The following CLSTN2 variants were observed in gnomAD, a reference collection of about 807,000 sequenced individuals.
The protein encoded by CLSTN2 is calsyntenin-2.
Under a neutral mutation model 101.2 loss-of-function variants are expected in CLSTN2, and 48 were observed. That is an observed-to-expected ratio of 0.47 (90% confidence interval 0.38 to 0.60). The LOEUF (loss-of-function observed/expected upper bound fraction) is 0.60, where lower values mean the gene tolerates loss of function less well. Among genes scored for constraint, CLSTN2 ranks in the 20% least tolerant of loss-of-function variants. The pLI is 0.00. For missense variants in CLSTN2, 1,160 were observed against 1,238.2 expected (o/e 0.94, Z 0.95); for synonymous variants, 481 against 463.6 (o/e 1.04, Z -0.48).
rs1219370453 is a variant in CLSTN2, at chr3:140,241,787, CGA to C, written c.232+65717_232+65718del. 1.2e-3 allele frequency among the ~76,000 whole-genome samples: 32 copies of C among 26,862 alleles called. No homozygotes were observed. In the Admixed American group the frequency reaches 0.018, roughly 15 times the overall value. The allele number at this position is 26,862 out of a possible 152,430, so 17.6% of individuals were successfully genotyped here. On this transcript the variant is annotated intron_variant, in intron 2 of 16. Transcript: ENST00000458420. ...GCTTATGTGCTACAGAGGTCATATG[CGA>C]GATATATATATATATATATACACAT...
chr3:140,068,242 A>G (rs2008331206), intron 1 of CLSTN2, among the ~76,000 whole-genome samples: 1 of 152,272 alleles, frequency 6.6e-6, no homozygotes, highest in Non-Finnish European at 1.5e-5. Flanking sequence ...AAGGGCCTGG[A>G]GCCACTGTTT....
At chr3:140,364,952 A>G (rs1052046611) in intron 2 of CLSTN2, among the ~76,000 whole-genome samples, 3 of 152,148 alleles carry the variant, frequency 2.0e-5, no homozygotes, top group African/African-American at 7.2e-5. Context: ...ATAGAAAACT[A>G]GTAGTTTTAA....
intron 2 of CLSTN2, among the ~76,000 whole-genome samples, chr3:140,203,461 GTTTTTTTTTTTTTTTTT>G (rs58182333): frequency 7.4e-5 from 5 of 67,920 alleles, no homozygotes; most frequent in South Asian, 1.4e-3. Context: ...GAAAGTGTGG[GTTTTTTTTTTTTTTTTT>G]TTTTTTTTTT....
intron 4 of CLSTN2, among the ~76,000 whole-genome samples, chr3:140,413,405 G>GT (rs886079666): frequency 6.6e-6 from 1 of 152,070 alleles, no homozygotes; most frequent in South Asian, 2.1e-4. Flanking sequence ...CATAATAATA[G>GT]TTTTTTTAAA....
chr3:140,479,449 T>C (rs1934065391), intron 8 of CLSTN2, among the ~76,000 whole-genome samples: 1 of 152,162 alleles, frequency 6.6e-6, no homozygotes, highest in Non-Finnish European at 1.5e-5. Context: ...GCAATAAAAA[T>C]CACTGGACAT....
intron 1 of CLSTN2, among the ~76,000 whole-genome samples, chr3:139,979,771 G>C (rs1176258708): frequency 6.6e-6 from 1 of 151,972 alleles, no homozygotes; most frequent in East Asian, 1.9e-4. Flanking sequence ...GCTTTCTGCT[G>C]TATCACCATT....
intron 1 of CLSTN2, among the ~76,000 whole-genome samples, chr3:140,093,991 A>T (rs2008825268): frequency 6.6e-6 from 1 of 152,220 alleles, no homozygotes; most frequent in Admixed American, 6.5e-5. Flanking sequence ...AATCTGAAAT[A>T]GGAGAGCTCA....
chr3:139,983,316 A>G (rs1031333797), intron 1 of CLSTN2, among the ~76,000 whole-genome samples: 7 of 152,192 alleles, frequency 4.6e-5, no homozygotes, highest in African/African-American at 1.7e-4. Flanking sequence ...TTTTCATCTG[A>G]TTTAGTATAA....
chr3:140,195,198 A>C (rs1009717584), intron 2 of CLSTN2, among the ~76,000 whole-genome samples: 20 of 152,280 alleles, frequency 1.3e-4, no homozygotes, highest in African/African-American at 4.6e-4. Flanking sequence ...CTGTTGTCTG[A>C]AGGTTTTCTG....
At chr3:140,404,862 T>A in intron 4 of CLSTN2, 96 bp downstream of exon 4, 1 of 1,043,954 alleles carries the variant, frequency 9.6e-7, no homozygotes, top group South Asian at 1.4e-5. Flanking sequence ...GCTTGGCAAG[T>A]TATGCCTTTC....
At chr3:140,414,109 GTC>G (rs1486499888) in intron 4 of CLSTN2, among the ~76,000 whole-genome samples, 1 of 152,028 alleles carries the variant, frequency 6.6e-6, no homozygotes, top group East Asian at 1.9e-4. Context: ...AAGTAAAATT[GTC>G]TGTTTGCAGA....
chr3:140,209,497 G>A (rs1193614795), intron 2 of CLSTN2, among the ~76,000 whole-genome samples: 1 of 152,184 alleles, frequency 6.6e-6, no homozygotes, highest in Non-Finnish European at 1.5e-5. Flanking sequence ...GTTAACTGCT[G>A]GGGACAGACT....
intron 1 of CLSTN2, among the ~76,000 whole-genome samples, chr3:140,122,662 G>T (rs1255296725): frequency 6.6e-6 from 1 of 152,144 alleles, no homozygotes; most frequent in Non-Finnish European, 1.5e-5. Context: ...TCTGTCTGAG[G>T]GTGGCAAAGC....
chr3:140,371,473 C>T (rs1303393891), intron 2 of CLSTN2, among the ~76,000 whole-genome samples: 5 of 152,158 alleles, frequency 3.3e-5, no homozygotes, highest in African/African-American at 7.2e-5. Context: ...CCCTGACCTT[C>T]CTCAGGGCTG....
intron 1 of CLSTN2, among the ~76,000 whole-genome samples, chr3:140,002,225 T>C (rs968672873): frequency 6.6e-6 from 1 of 152,172 alleles, no homozygotes; most frequent in Non-Finnish European, 1.5e-5. Context: ...CACCAGCATT[T>C]GTTATTGCGT....
intron 1 of CLSTN2, among the ~76,000 whole-genome samples, chr3:140,171,673 T>TATAATATATTAATATATTATATAATAC (rs1559797176): frequency 3.1e-5 from 2 of 64,672 alleles, no homozygotes; most frequent in Non-Finnish European, 5.4e-5. Context: ...ATATATAATA[T>TATAATATATTAATATATTATATAATAC]GTATTATATA....
chr3:140,334,564 A>G (rs987904316), intron 2 of CLSTN2, among the ~76,000 whole-genome samples: 1 of 152,244 alleles, frequency 6.6e-6, no homozygotes, highest in Non-Finnish European at 1.5e-5. Flanking sequence ...CCCACCTTAC[A>G]GCACCTTATG....
At chr3:140,436,409 G>C (rs2088688087) in intron 5 of CLSTN2, among the ~76,000 whole-genome samples, 1 of 152,188 alleles carries the variant, frequency 6.6e-6, no homozygotes, top group Admixed American at 6.5e-5. Context: ...TGTTACTGTT[G>C]GTTTTTATTA....
chr3:140,183,525 G>T (rs1302785671), intron 2 of CLSTN2, among the ~76,000 whole-genome samples: 1 of 152,160 alleles, frequency 6.6e-6, no homozygotes, highest in Non-Finnish European at 1.5e-5. Flanking sequence ...AAAACAAGAT[G>T]AAAAGTGAAT....
Sources: allele counts gnomAD v4.1 joint callset (sites outside exome capture counted in the v4.1 genomes callset), GRCh38; gene constraint gnomAD v4.1.1; transcripts MANE v1.5; gene names NCBI Gene and HGNC (gene_info 2026-07-23, HGNC 2026-07-21).